The following NEBL variants were observed in gnomAD, a reference collection of about 807,000 sequenced individuals.
NEBL encodes LIM and SH3 protein 2.
NEBL carries 122 observed loss-of-function variants against 140.2 expected under a neutral mutation model. The ratio of observed to expected loss-of-function variants is 0.87; its 90% CI spans 0.75 to 1.01. The LOEUF (loss-of-function observed/expected upper bound fraction) is 1.01. Ranked by LOEUF, NEBL falls within the 50% of genes least tolerant of loss-of-function variation. NEBL has a pLI of 0.00. For missense variants in NEBL, 1,365 were observed against 1,231.3 expected (o/e 1.11, Z -1.62); for synonymous variants, 436 against 398.9 (o/e 1.09, Z -1.11).
chr10:21,240,058 T>C (rs1588552481), intron 3 of NEBL, among the ~76,000 whole-genome samples: 1 of 152,054 alleles, frequency 6.6e-6, no homozygotes, highest in South Asian at 2.1e-4. Flanking sequence ...ATATCTGTAT[T>C]CCTGTTGGTA....
intron 4 of NEBL, among the ~76,000 whole-genome samples, chr10:20,945,117 T>C (rs1475122120): frequency 1.3e-5 from 2 of 152,204 alleles, no homozygotes; most frequent in African/African-American, 4.8e-5. Flanking sequence ...ACAGTCTCAT[T>C]CTTCATTCCT....
intron 12 of NEBL, 108 bp from the exon 13 acceptor site, chr10:20,840,957 A>G (rs1411326523): frequency 7.0e-6 from 5 of 718,742 alleles, no homozygotes; most frequent in Non-Finnish European, 2.4e-6. Context: ...TATTACTAGG[A>G]AGGAATGAAT....
At chr10:20,839,601 A>C (rs907858827) in intron 13 of NEBL, among the ~76,000 whole-genome samples, 3 of 152,180 alleles carry the variant, frequency 2.0e-5, no homozygotes, top group African/African-American at 7.2e-5. Flanking sequence ...AAAGAATGTG[A>C]ATATAGCTGA....
At chr10:20,855,455 T>A (rs1226966900) in intron 9 of NEBL, among the ~76,000 whole-genome samples, 7 of 151,390 alleles carry the variant, frequency 4.6e-5, no homozygotes, top group Non-Finnish European at 8.8e-5. Context: ...GTAAATATTG[T>A]TCCCAACACA....
chr10:21,184,940 T>C (rs1841442058), intron 3 of NEBL, among the ~76,000 whole-genome samples: 1 of 152,192 alleles, frequency 6.6e-6, no homozygotes, highest in African/African-American at 2.4e-5. Context: ...TTCCAAATTT[T>C]CTACAATAAA....
intron 3 of NEBL, among the ~76,000 whole-genome samples, chr10:21,016,513 T>C (rs1485220976): frequency 6.6e-6 from 1 of 152,216 alleles, no homozygotes; most frequent in Non-Finnish European, 1.5e-5. Context: ...TAAATAACTT[T>C]CTAGATTGAA....
chr10:20,934,051 G>A (rs1342186961), intron 4 of NEBL, among the ~76,000 whole-genome samples: 1 of 151,992 alleles, frequency 6.6e-6, no homozygotes, highest in Non-Finnish European at 1.5e-5. Context: ...AAAAAAAAAG[G>A]CCCCATTTTA....
At chr10:20,950,882 A>G (rs1422151002) in intron 4 of NEBL, among the ~76,000 whole-genome samples, 1 of 152,240 alleles carries the variant, frequency 6.6e-6, no homozygotes, top group Non-Finnish European at 1.5e-5. Flanking sequence ...TTCTAAATCC[A>G]TACTCTCTTT....
chr10:21,083,569 G>A (rs556436810), intron 2 of NEBL, among the ~76,000 whole-genome samples: 4 of 152,100 alleles, frequency 2.6e-5, no homozygotes, highest in South Asian at 2.1e-4. Flanking sequence ...AGAAGTCCTC[G>A]GTGGAAGAGA....
intron 4 of NEBL, among the ~76,000 whole-genome samples, chr10:20,908,608 C>T (rs2131454948): frequency 6.6e-6 from 1 of 152,264 alleles, no homozygotes; most frequent in South Asian, 2.1e-4. Context: ...TAACAATCAA[C>T]TCTCTCAGGG....
chr10:21,013,433 G>A (rs1174857310), intron 3 of NEBL, among the ~76,000 whole-genome samples: 1 of 152,182 alleles, frequency 6.6e-6, no homozygotes, highest in Non-Finnish European at 1.5e-5. Context: ...AAAGGTGGAA[G>A]TGTAAAGCTG....
At chr10:20,971,878 G>T (rs1391090764) in intron 3 of NEBL, among the ~76,000 whole-genome samples, 2 of 152,106 alleles carry the variant, frequency 1.3e-5, no homozygotes, top group Non-Finnish European at 2.9e-5. Flanking sequence ...CTCCCAAAGT[G>T]CTGGGATTAC....
At chr10:21,292,552 C>G (rs1843159471) in intron 1 of NEBL, among the ~76,000 whole-genome samples, 1 of 152,112 alleles carries the variant, frequency 6.6e-6, no homozygotes, top group Non-Finnish European at 1.5e-5. Flanking sequence ...CTGTTCAAGC[C>G]TTAAGCAACT....
intron 2 of NEBL, among the ~76,000 whole-genome samples, chr10:21,154,893 A>G (rs1467623193): frequency 6.6e-6 from 1 of 152,242 alleles, no homozygotes; most frequent in Non-Finnish European, 1.5e-5. Context: ...TGATACAGGC[A>G]TACAATGCAT....
rs1839881799 is a variant in NEBL at position 20,826,465 on chromosome 10, ATTTT to A, written c.1847_1850del (p.Lys616IlefsTer8). The A allele has an allele frequency of 6.2e-7, 1 of 1,612,066 alleles. No individual in the cohort carries two copies. Reference sequence around the variant, plus strand: ...AACTTACTGAACTAATATTCTGCTGATTTTTCTTCACTCGTTCGATCTCTGGGCT... The same window carrying A: ...AACTTACTGAACTAATATTCTGCTGATCTTCACTCGTTCGATCTCTGGGCT... On this transcript the variant is annotated frameshift_variant, in exon 18 of 28. Transcript: ENST00000377122. LOFTEE classifies it high-confidence loss of function.
At chr10:20,882,527 G>C (rs935027274) in intron 4 of NEBL, among the ~76,000 whole-genome samples, 53 of 152,206 alleles carry the variant, frequency 3.5e-4, no homozygotes, top group African/African-American at 1.1e-3. Flanking sequence ...TTTATCCTGT[G>C]CCTAACATAG....
chr10:21,115,033 T>C (rs930330182), intron 2 of NEBL, among the ~76,000 whole-genome samples: 2 of 152,082 alleles, frequency 1.3e-5, no homozygotes, highest in Non-Finnish European at 2.9e-5. Flanking sequence ...CCTTTTTATC[T>C]TCTTTATTGG....
chr10:21,166,272 A>G (rs934341783), intron 2 of NEBL, among the ~76,000 whole-genome samples: 1 of 151,048 alleles, frequency 6.6e-6, no homozygotes, highest in Admixed American at 6.6e-5. Flanking sequence ...TTTCTACATC[A>G]TGATCCAGTA....
chr10:21,079,238 G>GGCAAGACCAGAAAAAGAAA (rs1836254996), intron 2 of NEBL, among the ~76,000 whole-genome samples: 1 of 152,034 alleles, frequency 6.6e-6, no homozygotes, highest in African/African-American at 2.4e-5. Context: ...GGGATAACAG[G>GGCAAGACCAGAAAAAGAAA]GCAAGACCAG....
Sources: gnomAD v4.1 joint callset for allele counts (sites outside exome capture counted in the v4.1 genomes callset) on GRCh38, gnomAD v4.1.1 for gene constraint, MANE v1.5 for transcripts, NCBI Gene and HGNC (gene_info 2026-07-23, HGNC 2026-07-21) for gene names.